ACOXL: variants seen among roughly 807,000 people sequenced by gnomAD.
The protein encoded by ACOXL is acyl-coenzyme A oxidase-like protein.
Under a neutral mutation model 71.9 loss-of-function variants are expected in ACOXL, and 70 were observed. The observed-to-expected ratio is 0.97, with a 90% CI of 0.80 to 1.19. The LOEUF (loss-of-function observed/expected upper bound fraction) is 1.19, where lower values mean the gene tolerates loss of function less well. ACOXL is among the 50% of genes most tolerant of loss of function. The probability of loss-of-function intolerance (pLI) is 0.00; values close to 1 mark genes in which losing one functional copy is unlikely to be tolerated. For synonymous variants in ACOXL, 253 were observed against 281.6 expected (o/e 0.90, Z 1.02); for missense variants, 703 against 736.3 (o/e 0.95, Z 0.52).
At chr2:111,048,992 A>G (rs926533546) in intron 15 of ACOXL, among the ~76,000 whole-genome samples, 9 of 152,110 alleles carry the variant, frequency 5.9e-5, no homozygotes, top group African/African-American at 1.9e-4. Flanking sequence ...GCTGATGGGA[A>G]TGGCCTTGTA....
At chr2:110,737,610 C>T (rs949663082) in intron 1 of ACOXL, among the ~76,000 whole-genome samples, 1 of 152,216 alleles carries the variant, frequency 6.6e-6, no homozygotes, top group Non-Finnish European at 1.5e-5. Flanking sequence ...CTGACCTCCA[C>T]ACTAGACAGA....
intron 15 of ACOXL, among the ~76,000 whole-genome samples, chr2:111,040,297 C>T (rs1228466574): frequency 1.3e-5 from 2 of 152,206 alleles, no homozygotes; most frequent in African/African-American, 4.8e-5. Context: ...AGCAGAAGGT[C>T]CTGAGAAGCT....
chr2:110,765,873 G>A (rs2104955373), intron 1 of ACOXL, among the ~76,000 whole-genome samples: 1 of 152,272 alleles, frequency 6.6e-6, no homozygotes, highest in Non-Finnish European at 1.5e-5. Context: ...TTAGACCATA[G>A]CAATCTGTCA....
Position 110,794,499 on chromosome 2 carries a change from G to A in ACOXL, c.345+325G>A, listed in dbSNP as rs555620593. Among the ~76,000 whole-genome samples, 27 of 152,290 alleles carry A rather than the reference G, an allele frequency of 1.8e-4. No homozygotes were observed. The South Asian group carries it at 3.3e-3, about 19-fold the overall frequency. ...ACAACACTAAAACCATTTTGTAGTC[G>A]TCCCTAGCAGTAGCAGGAACAGACT... On this transcript the variant is annotated intron_variant, in intron 5 of 17. Coordinates refer to ENST00000439055, the MANE Select transcript of ACOXL (RefSeq NM_001142807.4).
intron 14 of ACOXL, among the ~76,000 whole-genome samples, chr2:111,010,327 A>G (rs545132354): frequency 3.1e-4 from 47 of 152,322 alleles, no homozygotes; most frequent in Non-Finnish European, 5.9e-4. Context: ...TAATAAAAAA[A>G]TAAATGGATG....
chr2:110,774,774 C>T (rs549382209), intron 2 of ACOXL, among the ~76,000 whole-genome samples: 1 of 152,298 alleles, frequency 6.6e-6, no homozygotes, highest in East Asian at 1.9e-4. Flanking sequence ...AGTGCAATTC[C>T]TATCAAAATC....
At chr2:110,976,788 G>A (rs1218775422) in intron 12 of ACOXL, among the ~76,000 whole-genome samples, 2 of 152,116 alleles carry the variant, frequency 1.3e-5, no homozygotes, top group Non-Finnish European at 2.9e-5. Flanking sequence ...GTGATATGAT[G>A]GAAAAGGCAT....
At chr2:111,057,785 G>C (rs1287210318) in intron 16 of ACOXL, among the ~76,000 whole-genome samples, 1 of 152,244 alleles carries the variant, frequency 6.6e-6, no homozygotes, top group Non-Finnish European at 1.5e-5. Flanking sequence ...GCATATGAGC[G>C]CACAGATGGC....
chr2:110,848,131 A>G (rs1158561489), intron 10 of ACOXL, among the ~76,000 whole-genome samples: 1 of 152,244 alleles, frequency 6.6e-6, no homozygotes, highest in East Asian at 1.9e-4. Flanking sequence ...AGTGTTGGCA[A>G]ATACCTAGCA....
chr2:111,092,993 A>C (rs770783078), intron 17 of ACOXL, 27 bp downstream of exon 17: 7 of 1,563,096 alleles, frequency 4.5e-6, no homozygotes, highest in Non-Finnish European at 6.2e-6. Flanking sequence ...ACAGAAAAAC[A>C]CTTTGTACAT....
intron 12 of ACOXL, among the ~76,000 whole-genome samples, chr2:110,983,762 G>A (rs1257590833): frequency 6.6e-6 from 1 of 152,194 alleles, no homozygotes; most frequent in African/African-American, 2.4e-5. Flanking sequence ...TTTAAGTAAT[G>A]AAATATCTAG....
chr2:111,066,863 T>A (rs939824065), intron 16 of ACOXL, among the ~76,000 whole-genome samples: 3 of 152,102 alleles, frequency 2.0e-5, no homozygotes, highest in Non-Finnish European at 2.9e-5. Flanking sequence ...ACGCATGATA[T>A]GAAATAATAC....
At chr2:110,859,419 A>C (rs1037117973) in intron 10 of ACOXL, among the ~76,000 whole-genome samples, 1 of 152,194 alleles carries the variant, frequency 6.6e-6, no homozygotes, top group African/African-American at 2.4e-5. Flanking sequence ...TTGCTGGAGG[A>C]TAGTTCAGGC....
intron 1 of ACOXL, among the ~76,000 whole-genome samples, chr2:110,754,752 C>A (rs1679447975): frequency 6.6e-6 from 1 of 152,112 alleles, no homozygotes; most frequent in Non-Finnish European, 1.5e-5. Flanking sequence ...TGGGTTGTTT[C>A]CAGTTTTTGA....
intron 16 of ACOXL, among the ~76,000 whole-genome samples, chr2:111,071,405 C>T: frequency 6.6e-6 from 1 of 152,182 alleles, no homozygotes; most frequent in East Asian, 1.9e-4. Context: ...TCCAGTCTGG[C>T]CCAATTTTTA....
chr2:110,805,314 G>A lies in ACOXL; in HGVS notation c.672G>A (p.Lys224=). 1 of 1,614,274 alleles carries A rather than the reference G, an allele frequency of 6.2e-7. No individual in the cohort carries two copies. The highest frequency in any genetic ancestry group is 8.5e-7 in the Non-Finnish European group (1 of 1,180,046). ...DGQYHSPIRN[K]SARFNAMLAA... is the part of the protein sequence containing the mutation. ...AGTACCATTCGCCTATTAGGAACAAGAGTGCAAGATTCAATGCCATGCTGG... is the reference window on the plus strand; with the variant it reads ...AGTACCATTCGCCTATTAGGAACAAAAGTGCAAGATTCAATGCCATGCTGG... Residue 224 remains lysine (K), a synonymous_variant, in exon 9 of 18, where the codon AAG becomes AAA. Coordinates refer to ENST00000439055, the MANE Select transcript of ACOXL (RefSeq NM_001142807.4).
Position 110,768,492 on chromosome 2 carries a change from T to TTGTGTGTGTGTG in ACOXL, c.75+39_75+50dup, listed in dbSNP as rs57292148. The TTGTGTGTGTGTG allele has an allele frequency of 5.0e-4, 645 of 1,280,268 alleles. 10 individuals carry two copies. The African/African-American group carries it at 9.3e-3, about 18-fold the overall frequency. 79.3% of individuals were successfully genotyped at this position (1,280,268 alleles called of 1,614,324 possible). On this transcript the variant is annotated intron_variant, in intron 2 of 17. Transcript: ENST00000439055. ...AAGTGTCATTATTATTCTGGTATGG[T>TTGTGTGTGTGTG]TGTGTGTGTGTGTGTGTGTGTGAGA... is the stretch of plus-strand genomic sequence containing the variant.
intron 9 of ACOXL, among the ~76,000 whole-genome samples, chr2:110,826,357 G>C (rs1016135672): frequency 2.6e-5 from 4 of 152,198 alleles, no homozygotes; most frequent in Non-Finnish European, 2.9e-5. Flanking sequence ...TCACCTTCTA[G>C]CTGTGTGACC....
Position 110,733,602 on chromosome 2 carries a change from A to G in ACOXL, c.-23+828A>G, listed in dbSNP as rs1026906590. Among the ~76,000 whole-genome samples, 3 of 152,122 alleles carry G rather than the reference A, an allele frequency of 2.0e-5. No homozygotes were observed. In the South Asian group the frequency reaches 6.2e-4, roughly 31 times the overall value. Reference sequence around the variant, plus strand: ...GAGGATTAATTGGTTAGCCATGCCCACTTAGCCCTCGTTTAATTTATTTTG... The same window carrying G: ...GAGGATTAATTGGTTAGCCATGCCCGCTTAGCCCTCGTTTAATTTATTTTG... On this transcript the variant is annotated intron_variant, in intron 1 of 17. Coordinates refer to ENST00000439055, the MANE Select transcript of ACOXL (RefSeq NM_001142807.4).
Sources: gnomAD v4.1 joint callset for allele counts (sites outside exome capture counted in the v4.1 genomes callset) on GRCh38, gnomAD v4.1.1 for gene constraint, MANE v1.5 for transcripts, NCBI Gene and HGNC (gene_info 2026-07-23, HGNC 2026-07-21) for gene names.